The following KCNH5 variants were observed in gnomAD, a reference collection of about 807,000 sequenced individuals.
KCNH5 encodes voltage-gated delayed rectifier potassium channel KCNH5.
A neutral mutation model predicts 96.1 loss-of-function variants in KCNH5; 46 were observed. The observed-to-expected ratio is 0.48, with a 90% CI of 0.38 to 0.61. The LOEUF is 0.61. KCNH5 is among the 20% of genes least tolerant of loss of function. The pLI, the probability that KCNH5 is intolerant of heterozygous loss-of-function variation, is 0.00. For synonymous variants in KCNH5, 439 were observed against 449.8 expected (o/e 0.98, Z 0.30); for missense variants, 907 against 1,225.8 (o/e 0.74, Z 3.88).
At chr14:62,871,773 A>G (rs781216453) in intron 7 of KCNH5, among the ~76,000 whole-genome samples, 1 of 152,214 alleles carries the variant, frequency 6.6e-6, no homozygotes, top group Admixed American at 6.5e-5. Flanking sequence ...TCAGTGTGTA[A>G]GAGATGGGCT....
intron 10 of KCNH5, among the ~76,000 whole-genome samples, chr14:62,757,484 T>C (rs1885648474): frequency 6.6e-6 from 1 of 152,188 alleles, no homozygotes; most frequent in African/African-American, 2.4e-5. Context: ...AAGAGATATC[T>C]GCACTCCCAT....
chr14:63,003,624 A>ATATATATATATTTT (rs1491457497), intron 3 of KCNH5, among the ~76,000 whole-genome samples: 19 of 92,786 alleles, frequency 2.0e-4, no homozygotes, highest in East Asian at 8.3e-4. Context: ...ATATATATAT[A>ATATATATATATTTT]TTTTTTTTTT....
intron 7 of KCNH5, among the ~76,000 whole-genome samples, chr14:62,903,668 G>A (rs80341008): frequency 0.14 from 21,751 of 151,914 alleles, 1,821 homozygotes; most frequent in East Asian, 0.36. Flanking sequence ...AAGCACAATA[G>A]TAAACAAACG....
intron 1 of KCNH5, among the ~76,000 whole-genome samples, chr14:63,042,717 A>G (rs980949039): frequency 6.6e-5 from 10 of 152,126 alleles, no homozygotes; most frequent in East Asian, 5.8e-4. Context: ...AAATTTTTCT[A>G]TTTCTCTGCC....
At chr14:62,923,285 C>T (rs959119240) in intron 7 of KCNH5, among the ~76,000 whole-genome samples, 1 of 151,782 alleles carries the variant, frequency 6.6e-6, no homozygotes, top group African/African-American at 2.4e-5. Flanking sequence ...AATCTGTACA[C>T]TGTAAACTAT....
At chr14:62,729,326 C>T (rs1014530489) in intron 10 of KCNH5, among the ~76,000 whole-genome samples, 1 of 152,204 alleles carries the variant, frequency 6.6e-6, no homozygotes, top group Non-Finnish European at 1.5e-5. Flanking sequence ...AAACTTAATA[C>T]ATTTTAGAGA....
chr14:62,980,751 T>C, intron 6 of KCNH5, 121 bp downstream of exon 6: 1 of 1,029,464 alleles, frequency 9.7e-7, no homozygotes. Context: ...TTGGCAAGGG[T>C]TTCAAGAAAG....
At chr14:62,969,430 T>C (rs912559554) in intron 6 of KCNH5, among the ~76,000 whole-genome samples, 3 of 152,166 alleles carry the variant, frequency 2.0e-5, no homozygotes, top group African/African-American at 7.2e-5. Context: ...AAATAGGACA[T>C]AAATTTTTAA....
chr14:62,852,595 T>C (rs1490597546), intron 7 of KCNH5, among the ~76,000 whole-genome samples: 2 of 30,734 alleles, frequency 6.5e-5, no homozygotes, highest in East Asian at 2.3e-3. Flanking sequence ...ACTAGAGAGC[T>C]TTTTTTTTTT....
rs557565695 is a variant in KCNH5 at position 63,003,522 on chromosome 14, AT to A, written c.305-2064del. On this transcript the variant is annotated intron_variant, in intron 3 of 10. Transcript: ENST00000322893. ...TATATATTTTATATATATTTTATAT[AT>A]TTTATATATATTATATATTATATAT... Among the ~76,000 whole-genome samples the A allele has an allele frequency of 6.1e-3, 698 of 113,542 alleles. 14 individuals are homozygous for A. The highest frequency in any genetic ancestry group is 0.024 in the African/African-American group (648 of 27,074). 74.5% of individuals were successfully genotyped at this position (113,542 alleles called of 152,430 possible).
At chr14:62,816,763 T>C (rs945873096) in intron 8 of KCNH5, among the ~76,000 whole-genome samples, 6 of 152,068 alleles carry the variant, frequency 3.9e-5, no homozygotes, top group Middle Eastern at 3.4e-3. Context: ...AAATACATAT[T>C]TGACATGTAG....
At chr14:62,808,028 T>C (rs763705973) in intron 8 of KCNH5, among the ~76,000 whole-genome samples, 198 of 152,260 alleles carry the variant, frequency 1.3e-3, no homozygotes, top group Middle Eastern at 3.4e-3. Context: ...CTGCCTGGTA[T>C]ATCTTAGGCT....
chr14:62,872,403 CAACTT>C lies in KCNH5; in HGVS notation c.1370-22556_1370-22552del, dbSNP rs567874469. 5.9e-4 allele frequency among the ~76,000 whole-genome samples: 90 copies of C among 152,228 alleles called. 1 individual carries two copies. In the South Asian group the frequency reaches 0.018, roughly 30 times the overall value. Reference sequence around the variant, plus strand: ...ATAATAAAAGAAATGAAGGAAGATACAACTTATCTTTAAATTCCTACTCTTGCCTG... The same window carrying C: ...ATAATAAAAGAAATGAAGGAAGATACATCTTTAAATTCCTACTCTTGCCTG... On this transcript the variant is annotated intron_variant, in intron 7 of 10. Transcript: ENST00000322893.
chr14:63,018,559 C>G (rs1001778343), intron 1 of KCNH5, among the ~76,000 whole-genome samples: 2 of 152,060 alleles, frequency 1.3e-5, no homozygotes, highest in Non-Finnish European at 2.9e-5. Context: ...ACACCTCAAG[C>G]CTTCCATCTA....
At chr14:63,018,831 G>C (rs1172528701) in intron 1 of KCNH5, among the ~76,000 whole-genome samples, 1 of 151,942 alleles carries the variant, frequency 6.6e-6, no homozygotes, top group African/African-American at 2.4e-5. Context: ...AAAATTATTA[G>C]ACAGGCAAGA....
At chr14:62,786,465 A>G (rs1373765466) in intron 9 of KCNH5, among the ~76,000 whole-genome samples, 4 of 152,080 alleles carry the variant, frequency 2.6e-5, no homozygotes, top group African/African-American at 9.7e-5. Flanking sequence ...TAAAATCACT[A>G]TAGTGAATCA....
intron 8 of KCNH5, among the ~76,000 whole-genome samples, chr14:62,818,899 C>G (rs1887054894): frequency 6.6e-6 from 1 of 152,066 alleles, no homozygotes; most frequent in Admixed American, 6.6e-5. Context: ...TAAATGCTTA[C>G]CAAATAATGA....
chr14:62,887,851 C>T (rs117567268), intron 7 of KCNH5, among the ~76,000 whole-genome samples: 1 of 152,134 alleles, frequency 6.6e-6, no homozygotes, highest in Non-Finnish European at 1.5e-5. Context: ...AGTAGTCTCA[C>T]ATGAAACTTT....
intron 10 of KCNH5, among the ~76,000 whole-genome samples, chr14:62,775,923 A>G (rs1002938103): frequency 2.6e-5 from 4 of 152,126 alleles, no homozygotes; most frequent in South Asian, 2.1e-4. Flanking sequence ...CTTATCCCCA[A>G]TGTGATGGTA....
Sources: gnomAD v4.1 joint callset for allele counts (sites outside exome capture counted in the v4.1 genomes callset) on GRCh38, gnomAD v4.1.1 for gene constraint, MANE v1.5 for transcripts, NCBI Gene and HGNC (gene_info 2026-07-23, HGNC 2026-07-21) for gene names.